The following PAXIP1 variants were observed in gnomAD, a reference collection of about 807,000 sequenced individuals.
PAXIP1 encodes PAX interacting protein 1.
PAXIP1 carries 19 observed loss-of-function variants against 140.6 expected under a neutral mutation model. The ratio of observed to expected loss-of-function variants is 0.14; its 90% CI spans 0.09 to 0.20. The LOEUF is 0.20. Ranked by LOEUF, PAXIP1 falls within the 10% of genes least tolerant of loss-of-function variation. PAXIP1 has a pLI of 1.00. For missense variants in PAXIP1, 920 were observed against 1,208.6 expected (o/e 0.76, Z 3.54); for synonymous variants, 442 against 444.6 (o/e 0.99, Z 0.07).
chr7:154,989,554 C>T (rs992631502), intron 4 of PAXIP1, among the ~76,000 whole-genome samples: 1 of 152,146 alleles, frequency 6.6e-6, no homozygotes, highest in Non-Finnish European at 1.5e-5. Context: ...TTCCTAAGGA[C>T]CACTAATTTT....
At chr7:154,966,898 T>TC (rs1245143267) in intron 8 of PAXIP1, among the ~76,000 whole-genome samples, 1 of 152,198 alleles carries the variant, frequency 6.6e-6, no homozygotes, top group Non-Finnish European at 1.5e-5. Context: ...TGAGGCACCC[T>TC]CCTTTGCACC....
chr7:154,967,696 C>G (rs1809084790), intron 8 of PAXIP1, 120 bp downstream of exon 8: 1 of 659,628 alleles, frequency 1.5e-6, no homozygotes, highest in African/African-American at 1.8e-5. Context: ...AAATGCCCGT[C>G]ACACATTCAG....
Position 154,947,932 on chromosome 7 carries a change from T to C in PAXIP1, c.2893A>G (p.Lys965Glu), listed in dbSNP as rs1184488565. The C allele has an allele frequency of 2.2e-5, 35 of 1,612,964 alleles. No homozygotes were observed. Among genetic ancestry groups the C allele is most frequent in the Non-Finnish European group, 3.0e-5 (35 of 1,179,064 alleles). ...LFSFSLEESL[K>E]RAHVSPLFKA... ...AAGAGTGGAGAAACGTGTGCCCGTT[T>C]TAAGGATTCTTCCAAGCTGAAAGAG... The change falls in exon 17 of 21, where the codon AAA (lysine) becomes GAA (glutamate). Residue 965 changes from lysine (K) to glutamate (E), a missense_variant. By Grantham distance (56) the Lys-to-Glu change is moderately conservative (BLOSUM62 1). Transcript: ENST00000404141.
At chr7:155,000,802 T>A (rs1417887252) in intron 1 of PAXIP1, 1 of 152,250 alleles carries the variant, frequency 6.6e-6, no homozygotes, top group Non-Finnish European at 1.5e-5. Flanking sequence ...AACGCATGAA[T>A]GCCTTCATTC....
chr7:154,990,202 T>G (rs1203180119), intron 4 of PAXIP1, among the ~76,000 whole-genome samples: 2 of 151,982 alleles, frequency 1.3e-5, no homozygotes, highest in East Asian at 3.9e-4. Flanking sequence ...CCACCATTCC[T>G]GGCTAATTTT....
Position 154,954,106 on chromosome 7 carries a change from C to T in PAXIP1, c.2821+149G>A, listed in dbSNP as rs1808404609. 1.3e-5 allele frequency: 7 copies of T among 524,818 alleles called. No homozygotes were observed. Among genetic ancestry groups the T allele is most frequent in the Non-Finnish European group, 2.1e-5 (7 of 334,292 alleles). The allele number at this position is 524,818 out of a possible 1,614,324, so 32.5% of individuals were successfully genotyped here. ...GCAAAGACATCAATCAAAGGAATCACTGGGGATATGAAATAAATTTTTAAA... is the reference window on the plus strand; with the variant it reads ...GCAAAGACATCAATCAAAGGAATCATTGGGGATATGAAATAAATTTTTAAA... On this transcript the variant is annotated intron_variant, in intron 16 of 20. Coordinates refer to ENST00000404141, the MANE Select transcript of PAXIP1 (RefSeq NM_007349.4). This position sits in a 1 kb window ranked among gnomAD's most constrained non-coding sequence, Gnocchi z 5.1.
intron 6 of PAXIP1, among the ~76,000 whole-genome samples, chr7:154,971,026 C>G (rs1260168695): frequency 6.6e-6 from 1 of 152,162 alleles, no homozygotes; most frequent in African/African-American, 2.4e-5. Context: ...TGGAAGGGAG[C>G]TCAGGAACAG....
chr7:155,000,140 A>G (rs1810821675), intron 1 of PAXIP1: 1 of 152,142 alleles, frequency 6.6e-6, no homozygotes, highest in African/African-American at 2.4e-5. Context: ...TTCACTTATT[A>G]AACTTTTGCT....
chr7:154,987,419 C>G (rs977927558), intron 4 of PAXIP1, among the ~76,000 whole-genome samples: 4 of 152,298 alleles, frequency 2.6e-5, no homozygotes, highest in Admixed American at 2.0e-4. Flanking sequence ...ATAACGTCCT[C>G]CTCCTCCAGT....
intron 4 of PAXIP1, among the ~76,000 whole-genome samples, chr7:154,988,160 C>G (rs1224516470): frequency 6.6e-6 from 1 of 152,168 alleles, no homozygotes; most frequent in Non-Finnish European, 1.5e-5. Flanking sequence ...AAATGCACAC[C>G]CTTGGTTGAC....
intron 4 of PAXIP1, among the ~76,000 whole-genome samples, chr7:154,985,837 T>C (rs1810044930): frequency 6.6e-6 from 1 of 152,240 alleles, no homozygotes; most frequent in Non-Finnish European, 1.5e-5. Context: ...TCTTACATGA[T>C]GTCCTAAACT....
chr7:154,961,791 A>C, intron 10 of PAXIP1, 143 bp from the exon 11 acceptor site: 2 of 744,210 alleles, frequency 2.7e-6, no homozygotes, highest in Admixed American at 5.7e-5. Context: ...ATCATTCCTA[A>C]AACTTTCAAG....
chr7:154,952,337 A>G (rs1025023862), intron 16 of PAXIP1: 5 of 152,208 alleles, frequency 3.3e-5, no homozygotes, highest in African/African-American at 1.2e-4. Flanking sequence ...AGTCACCCAC[A>G]TGAACGTTCC....
chr7:154,957,443 C>G (rs1808565322), intron 13 of PAXIP1, 149 bp from the exon 14 acceptor site: 1 of 467,550 alleles, frequency 2.1e-6, no homozygotes, highest in Non-Finnish European at 3.8e-6. Flanking sequence ...GTCTTCACCT[C>G]AAAAGATCAC....
intron 10 of PAXIP1, 28 bp from the exon 11 acceptor site, chr7:154,961,676 AC>A (rs767172775): frequency 2.6e-6 from 4 of 1,543,992 alleles, no homozygotes; most frequent in Non-Finnish European, 3.5e-6. Flanking sequence ...AATAAGGTAA[AC>A]ACAAAATAAG....
chr7:154,962,507 G>A (rs758862087), intron 9 of PAXIP1, 49 bp from the exon 10 acceptor site: 22 of 1,549,920 alleles, frequency 1.4e-5, no homozygotes, highest in Non-Finnish European at 1.8e-5. Context: ...TTCTGCTGCA[G>A]GATTAAAGAA....
chr7:154,976,348 A>C lies in PAXIP1; in HGVS notation c.439-17T>G, dbSNP rs771073073. The C allele has an allele frequency of 1.3e-6, 2 of 1,543,926 alleles. No individual in the cohort carries two copies. The highest frequency in any genetic ancestry group is 2.5e-5 in the South Asian group (2 of 78,796). On this transcript the variant is annotated splice_polypyrimidine_tract_variant and intron_variant, in intron 5 of 20. Coordinates refer to ENST00000404141, the MANE Select transcript of PAXIP1 (RefSeq NM_007349.4). ...GTATTTCTCCTACGAGGAAAGCAGA[A>C]ACACACACAAAACAAAGCTGTAAAT... is the stretch of plus-strand genomic sequence containing the variant.
intron 3 of PAXIP1, among the ~76,000 whole-genome samples, chr7:154,992,266 T>G (rs1563389177): frequency 6.6e-6 from 1 of 152,064 alleles, no homozygotes; most frequent in Non-Finnish European, 1.5e-5. Flanking sequence ...AAGATCCCAG[T>G]GGCTGGGCGC....
chr7:154,944,304 C>T (rs1032484239), intron 20 of PAXIP1, 140 bp from the exon 21 acceptor site: 18 of 660,682 alleles, frequency 2.7e-5, no homozygotes, highest in East Asian at 2.7e-4. Context: ...TCAAACCAGT[C>T]GCTCTGCTGC....
Sources: gnomAD v4.1 joint callset for allele counts (sites outside exome capture counted in the v4.1 genomes callset) on GRCh38, gnomAD v4.1.1 for gene constraint, Gnocchi (gnomAD v3.1) non-coding constraint, MANE v1.5 for transcripts, NCBI Gene and HGNC (gene_info 2026-07-23, HGNC 2026-07-21) for gene names.